EPHA3: variants seen among roughly 807,000 people sequenced by gnomAD.
EPHA3 encodes the protein EPH receptor A3, also known as ephrin type-A receptor 3.
In EPHA3, 42 loss-of-function variants were observed where a neutral mutation model predicts 107.1. The ratio of observed to expected loss-of-function variants is 0.39; its 90% CI spans 0.31 to 0.51. The LOEUF (loss-of-function observed/expected upper bound fraction) is 0.51. Among genes scored for constraint, EPHA3 ranks in the 20% least tolerant of loss-of-function variants. The pLI, the probability that EPHA3 is intolerant of heterozygous loss-of-function variation, is 0.78. For synonymous variants in EPHA3, 461 were observed against 424.8 expected (o/e 1.09, Z -1.05); for missense variants, 1,183 against 1,211.2 (o/e 0.98, Z 0.35).
intron 5 of EPHA3, among the ~76,000 whole-genome samples, chr3:89,358,362 C>T (rs1236446804): frequency 1.3e-5 from 2 of 150,856 alleles, no homozygotes; most frequent in Non-Finnish European, 3.0e-5. Context: ...AAAAAAAAAC[C>T]CATTTAGATA....
chr3:89,352,604 A>C (rs1409486981), intron 5 of EPHA3, among the ~76,000 whole-genome samples: 2 of 151,028 alleles, frequency 1.3e-5, no homozygotes, highest in Non-Finnish European at 3.0e-5. Flanking sequence ...CCTTTGACTA[A>C]ATTTAGAATC....
At chr3:89,161,546 A>G (rs1201585517) in intron 2 of EPHA3, among the ~76,000 whole-genome samples, 2 of 152,176 alleles carry the variant, frequency 1.3e-5, no homozygotes, top group Non-Finnish European at 2.9e-5. Flanking sequence ...ATAGTATTAC[A>G]GAGTATGGAT....
At chr3:89,429,024 G>A (rs1709509673) in intron 11 of EPHA3, 82 bp from the exon 12 acceptor site, 4 of 928,942 alleles carry the variant, frequency 4.3e-6, no homozygotes, top group Middle Eastern at 3.4e-4. Context: ...TAATCCTCAG[G>A]TAAATCCAAC....
intron 5 of EPHA3, among the ~76,000 whole-genome samples, chr3:89,362,124 C>T (rs1401213095): frequency 2.7e-5 from 4 of 150,896 alleles, no homozygotes; most frequent in Non-Finnish European, 4.5e-5. Context: ...AGAATTGTTT[C>T]GTTTTAAATA....
At chr3:89,395,640 C>T (rs1166663165) in intron 5 of EPHA3, among the ~76,000 whole-genome samples, 197 bp from the exon 6 acceptor site, 3 of 152,152 alleles carry the variant, frequency 2.0e-5, no homozygotes, top group South Asian at 4.1e-4. Flanking sequence ...GGGCTATAAT[C>T]CAGCTGTTGA....
intron 3 of EPHA3, among the ~76,000 whole-genome samples, chr3:89,252,031 A>G (rs1321185549): frequency 2.0e-5 from 3 of 152,194 alleles, no homozygotes; most frequent in Non-Finnish European, 4.4e-5. Context: ...AATTATTACT[A>G]CGAGTCTTAG....
Position 89,359,053 on chromosome 3 carries a change from T to G in EPHA3, c.1306+16963T>G, listed in dbSNP as rs147328969. ...TTTGATTAAGCTTATTGTTATTAGT[T>G]TGGAATTAAATATTCTAGTTAAATA... is the stretch of plus-strand genomic sequence containing the variant. On this transcript the variant is annotated intron_variant, in intron 5 of 16. Transcript: ENST00000336596. Among the ~76,000 whole-genome samples the G allele has an allele frequency of 3.3e-5, 5 of 151,254 alleles. No individual in the cohort carries two copies. The East Asian group carries it at 9.7e-4, about 29-fold the overall frequency.
chr3:89,394,762 A>T (rs1450187141), intron 5 of EPHA3, among the ~76,000 whole-genome samples: 2 of 152,260 alleles, frequency 1.3e-5, no homozygotes, highest in African/African-American at 4.8e-5. Context: ...AAAAATCTAT[A>T]TAAAAATAAG....
intron 16 of EPHA3, among the ~76,000 whole-genome samples, chr3:89,476,127 A>G (rs995352378): frequency 6.8e-6 from 1 of 147,472 alleles, no homozygotes; most frequent in African/African-American, 2.5e-5. Flanking sequence ...ATATAAAAAT[A>G]TATATTATAT....
At chr3:89,347,607 T>C (rs1476647082) in intron 5 of EPHA3, among the ~76,000 whole-genome samples, 1 of 150,232 alleles carries the variant, frequency 6.7e-6, no homozygotes, top group Non-Finnish European at 1.5e-5. Flanking sequence ...ACCCTTTATT[T>C]CCTTCTCCTG....
chr3:89,122,028 G>T (rs562529466), intron 1 of EPHA3, among the ~76,000 whole-genome samples: 1 of 152,296 alleles, frequency 6.6e-6, no homozygotes, highest in Admixed American at 6.5e-5. Context: ...ACTACACAGA[G>T]AATGATAACA....
chr3:89,460,915 C>A (rs1215150894), intron 15 of EPHA3, among the ~76,000 whole-genome samples: 1 of 123,648 alleles, frequency 8.1e-6, no homozygotes, highest in Admixed American at 8.1e-5. Flanking sequence ...CATGCTGGTG[C>A]GCTGCACCCA....
chr3:89,282,194 C>G (rs1447222540), intron 3 of EPHA3, among the ~76,000 whole-genome samples: 2 of 151,974 alleles, frequency 1.3e-5, no homozygotes, highest in Admixed American at 1.3e-4. Context: ...ACTAAAACAA[C>G]CACAAAGTAT....
At chr3:89,434,523 T>C (rs1709629901) in intron 13 of EPHA3, among the ~76,000 whole-genome samples, 1 of 152,172 alleles carries the variant, frequency 6.6e-6, no homozygotes, top group African/African-American at 2.4e-5. Flanking sequence ...CAGCCCCATA[T>C]TAAATTATTA....
chr3:89,408,902 G>A (rs192936000), intron 9 of EPHA3, among the ~76,000 whole-genome samples: 2 of 152,010 alleles, frequency 1.3e-5, no homozygotes, highest in East Asian at 1.9e-4. Flanking sequence ...ATGTAGTCTT[G>A]TAAGCATTAA....
intron 2 of EPHA3, among the ~76,000 whole-genome samples, chr3:89,146,570 A>C (rs1378300849): frequency 1.3e-5 from 2 of 151,840 alleles, no homozygotes; most frequent in Non-Finnish European, 2.9e-5. Context: ...AGATTGCAAA[A>C]ATTTTCTCCC....
chr3:89,236,190 T>C (rs1418489695), intron 3 of EPHA3, among the ~76,000 whole-genome samples: 1 of 152,066 alleles, frequency 6.6e-6, no homozygotes, highest in East Asian at 1.9e-4. Context: ...TGTTTGACAT[T>C]ATCATCTTGA....
At chr3:89,183,331 G>A (rs965749007) in intron 2 of EPHA3, among the ~76,000 whole-genome samples, 5 of 151,828 alleles carry the variant, frequency 3.3e-5, no homozygotes, top group African/African-American at 1.2e-4. Flanking sequence ...GCTCCTAAGA[G>A]GTTTATTCTA....
intron 3 of EPHA3, among the ~76,000 whole-genome samples, chr3:89,228,062 G>A (rs1192223408): frequency 6.6e-6 from 1 of 151,350 alleles, no homozygotes; most frequent in Non-Finnish European, 1.5e-5. Flanking sequence ...TGATAACATT[G>A]CAGAGTAGAT....
Sources: allele counts gnomAD v4.1 joint callset (sites outside exome capture counted in the v4.1 genomes callset), GRCh38; gene constraint gnomAD v4.1.1; transcripts MANE v1.5; gene names NCBI Gene and HGNC (gene_info 2026-07-23, HGNC 2026-07-21).